The following CNOT4 variants were observed in gnomAD, a reference collection of about 807,000 sequenced individuals.
CNOT4 encodes the protein CCR4-associated factor 4.
A neutral mutation model predicts 73.8 loss-of-function variants in CNOT4; 8 were observed. The ratio of observed to expected loss-of-function variants is 0.11; its 90% CI spans 0.06 to 0.20. The LOEUF is 0.20. Ranked by LOEUF, CNOT4 falls within the 10% of genes least tolerant of loss-of-function variation. CNOT4 has a pLI of 1.00. For missense variants in CNOT4, 564 were observed against 883.4 expected (o/e 0.64, Z 4.58); for synonymous variants, 293 against 321.1 (o/e 0.91, Z 0.94).
chr7:135,376,054 A>T (rs1348948105), intron 10 of CNOT4, among the ~76,000 whole-genome samples: 1 of 152,094 alleles, frequency 6.6e-6, no homozygotes, highest in East Asian at 1.9e-4. Context: ...AAGAAAAATT[A>T]ATCACATAGT....
At chr7:135,454,407 A>G (rs1262644248) in intron 1 of CNOT4, among the ~76,000 whole-genome samples, 1 of 151,790 alleles carries the variant, frequency 6.6e-6, no homozygotes, top group African/African-American at 2.4e-5. Flanking sequence ...TAATCTCAGC[A>G]CTCTGGGAGG....
At chr7:135,383,378 C>T (rs1307713524) in intron 10 of CNOT4, among the ~76,000 whole-genome samples, 2 of 46 alleles carry the variant, frequency 0.043, no homozygotes, top group Admixed American at 0.25. Flanking sequence ...TTCACACTCA[C>T]TGGGGCTGCT....
chr7:135,430,449 G>T (rs1421639906), intron 2 of CNOT4, among the ~76,000 whole-genome samples: 2 of 152,016 alleles, frequency 1.3e-5, no homozygotes, highest in Non-Finnish European at 2.9e-5. Context: ...ACCAACCTGG[G>T]CAACATAGCG....
chr7:135,497,089 G>A (rs1011270216), intron 1 of CNOT4, among the ~76,000 whole-genome samples: 2 of 151,786 alleles, frequency 1.3e-5, no homozygotes, highest in Admixed American at 6.6e-5. Context: ...TTACAGGCGT[G>A]AGCCACTGCA....
chr7:135,444,890 T>C (rs1317575303), intron 1 of CNOT4: 52 of 1,598,348 alleles, frequency 3.3e-5, no homozygotes, highest in Non-Finnish European at 4.2e-5. Context: ...ACTATCACGA[T>C]GTGGGCATCT....
chr7:135,504,295 A>T (rs1804189728), intron 1 of CNOT4, among the ~76,000 whole-genome samples: 1 of 140,860 alleles, frequency 7.1e-6, no homozygotes, highest in Non-Finnish European at 1.6e-5. Context: ...AGATCTACTA[A>T]TTTTTTTTTT....
At chr7:135,376,396 G>C (rs996942946) in intron 10 of CNOT4, among the ~76,000 whole-genome samples, 4 of 151,980 alleles carry the variant, frequency 2.6e-5, no homozygotes, top group African/African-American at 9.7e-5. Context: ...CTAGTCAAGT[G>C]AAGTTCTGCT....
chr7:135,408,822 A>G (rs1462650011), intron 7 of CNOT4, among the ~76,000 whole-genome samples: 1 of 152,194 alleles, frequency 6.6e-6, no homozygotes, highest in Non-Finnish European at 1.5e-5. Flanking sequence ...TCTCATCAAC[A>G]TTGTAACAAA....
intron 2 of CNOT4, among the ~76,000 whole-genome samples, chr7:135,427,961 ATGATAAGC>A (rs1385166588): frequency 6.6e-6 from 1 of 152,216 alleles, no homozygotes; most frequent in Non-Finnish European, 1.5e-5. Context: ...GATAGGTTCC[ATGATAAGC>A]TGAGATACAG....
At chr7:135,452,954 T>C (rs142064268) in intron 1 of CNOT4, among the ~76,000 whole-genome samples, 170 of 152,320 alleles carry the variant, frequency 1.1e-3, no homozygotes, top group African/African-American at 3.8e-3. Context: ...CTACCACACT[T>C]GTGAAGGTTG....
chr7:135,460,535 T>C (rs1021541060), intron 1 of CNOT4, among the ~76,000 whole-genome samples: 1 of 152,158 alleles, frequency 6.6e-6, no homozygotes, highest in Admixed American at 6.5e-5. Context: ...CAACATGTAT[T>C]AATTAAGTTC....
intron 1 of CNOT4, among the ~76,000 whole-genome samples, chr7:135,500,261 A>G (rs1803871948): frequency 6.6e-6 from 1 of 152,220 alleles, no homozygotes. Context: ...TACCTGAGAC[A>G]TTGAAGGAAG....
intron 2 of CNOT4, among the ~76,000 whole-genome samples, chr7:135,434,524 T>TAG (rs1799035992): frequency 6.6e-6 from 1 of 152,234 alleles, no homozygotes; most frequent in South Asian, 2.1e-4. Flanking sequence ...GAGGTTGTCT[T>TAG]AGACCTCTGT....
At chr7:135,472,589 C>T (rs1401438605) in intron 1 of CNOT4, among the ~76,000 whole-genome samples, 1 of 109,398 alleles carries the variant, frequency 9.1e-6, no homozygotes, top group Non-Finnish European at 1.7e-5. Flanking sequence ...TACGTCATAG[C>T]ATCTCACAGA....
intron 8 of CNOT4, 78 bp downstream of exon 8, chr7:135,398,091 T>A (rs1796794823): frequency 1.3e-6 from 1 of 790,468 alleles, no homozygotes; most frequent in East Asian, 2.5e-5. Context: ...AAAGTATTTT[T>A]AGAAAATTCA....
At chr7:135,410,155 T>C (rs1797516373) in intron 7 of CNOT4, among the ~76,000 whole-genome samples, 1 of 152,130 alleles carries the variant, frequency 6.6e-6, no homozygotes, top group African/African-American at 2.4e-5. Flanking sequence ...TTCCCTTTTA[T>C]AGTATTTTCC....
chr7:135,459,204 G>A (rs1800725339), intron 1 of CNOT4, among the ~76,000 whole-genome samples: 1 of 151,958 alleles, frequency 6.6e-6, no homozygotes, highest in Non-Finnish European at 1.5e-5. Flanking sequence ...CAGTTTGAAA[G>A]GAATCTTTTT....
At chr7:135,495,826 T>G (rs1477413547) in intron 1 of CNOT4, among the ~76,000 whole-genome samples, 1 of 151,542 alleles carries the variant, frequency 6.6e-6, no homozygotes, top group African/African-American at 2.4e-5. Context: ...CCAGTGCTTT[T>G]GGGAGGCCAA....
chr7:135,476,358 T>G (rs185517760), intron 1 of CNOT4, among the ~76,000 whole-genome samples: 52 of 152,314 alleles, frequency 3.4e-4, no homozygotes, highest in African/African-American at 1.1e-3. Context: ...ATGAAATTAT[T>G]AACTGACTGC....
Sources: allele counts gnomAD v4.1 joint callset (sites outside exome capture counted in the v4.1 genomes callset), GRCh38; gene constraint gnomAD v4.1.1; transcripts MANE v1.5; gene names NCBI Gene and HGNC (gene_info 2026-07-23, HGNC 2026-07-21).